Variants in SPATS2 observed in about 807,000 individuals in gnomAD.
SPATS2 encodes the protein spermatogenesis associated serine rich 2, also known as spermatogenesis-associated serine-rich protein 2.
SPATS2 carries 38 observed loss-of-function variants against 63.7 expected under a neutral mutation model. The observed-to-expected ratio is 0.60, with a 90% CI of 0.46 to 0.78. The LOEUF (loss-of-function observed/expected upper bound fraction) is 0.78, where lower values mean the gene tolerates loss of function less well. Among genes scored for constraint, SPATS2 ranks in the 30% least tolerant of loss-of-function variants. The pLI, the probability that SPATS2 is intolerant of heterozygous loss-of-function variation, is 0.00. For missense variants in SPATS2, 588 were observed against 666.2 expected, an observed-to-expected ratio of 0.88 and a Z score of 1.29; for synonymous variants, 207 against 232.9, an observed-to-expected ratio of 0.89 and a Z score of 1.01.
chr12:49,380,956 C>G (rs960309081), intron 2 of SPATS2, among the ~76,000 whole-genome samples: 1 of 151,386 alleles, frequency 6.6e-6, no homozygotes, highest in Non-Finnish European at 1.5e-5. Flanking sequence ...TTTGGACAAA[C>G]CACCATACAG....
intron 3 of SPATS2, among the ~76,000 whole-genome samples, chr12:49,470,759 G>A (rs1002941976): frequency 7.0e-6 from 1 of 143,434 alleles, no homozygotes. Context: ...ATCTTCTTGA[G>A]GAGCAATCAG....
intron 2 of SPATS2, among the ~76,000 whole-genome samples, chr12:49,392,717 AAAAC>A (rs1177362380): frequency 2.1e-3 from 319 of 152,244 alleles, no homozygotes; most frequent in African/African-American, 7.3e-3. Flanking sequence ...TCCATCTCAA[AAAAC>A]AAACAAACAA....
intron 2 of SPATS2, among the ~76,000 whole-genome samples, chr12:49,457,008 A>AT (rs1386086449): frequency 6.6e-6 from 1 of 151,992 alleles, no homozygotes; most frequent in East Asian, 1.9e-4. Context: ...CTGACTTCTT[A>AT]TTGGATCCAT....
chr12:49,372,923 T>C (rs996365960), intron 2 of SPATS2, among the ~76,000 whole-genome samples: 1 of 148,130 alleles, frequency 6.8e-6, no homozygotes, highest in Admixed American at 6.7e-5. Flanking sequence ...GCCTAGCCTC[T>C]CATTTGATTT....
chr12:49,385,863 GT>G (rs141110578), intron 2 of SPATS2, among the ~76,000 whole-genome samples: 3 of 126,034 alleles, frequency 2.4e-5, no homozygotes, highest in African/African-American at 9.3e-5. Context: ...TTGTTTGTTT[GT>G]TTGTTTTTTG....
At chr12:49,517,472 C>A in intron 10 of SPATS2, among the ~76,000 whole-genome samples, 1 of 152,134 alleles carries the variant, frequency 6.6e-6, no homozygotes, top group East Asian at 1.9e-4. Context: ...CTATGTATAT[C>A]AGTTAGGGAT....
intron 2 of SPATS2, among the ~76,000 whole-genome samples, chr12:49,376,832 C>T (rs773754023): frequency 6.6e-6 from 1 of 151,496 alleles, no homozygotes; most frequent in Non-Finnish European, 1.5e-5. Flanking sequence ...AATTCTCCTG[C>T]CTCAGCCTCC....
intron 2 of SPATS2, chr12:49,389,898 A>G (rs1944390401): frequency 1.2e-6 from 1 of 816,414 alleles, no homozygotes; most frequent in South Asian, 1.3e-5. Context: ...GAAGTTAACA[A>G]AAGCAGCACT....
intron 4 of SPATS2, among the ~76,000 whole-genome samples, chr12:49,485,737 A>T (rs947509499): frequency 6.6e-6 from 1 of 150,728 alleles, no homozygotes; most frequent in Non-Finnish European, 1.5e-5. Context: ...TGAGAAAAAC[A>T]TAAAAGCTTT....
intron 3 of SPATS2, among the ~76,000 whole-genome samples, chr12:49,473,420 C>G (rs1263674404): frequency 6.6e-6 from 1 of 152,004 alleles, no homozygotes; most frequent in African/African-American, 2.4e-5. Flanking sequence ...GTCTCACACA[C>G]ACATACACAC....
chr12:49,516,710 T>TAAA (rs113290886), intron 10 of SPATS2, among the ~76,000 whole-genome samples: 1 of 134,464 alleles, frequency 7.4e-6, no homozygotes, highest in South Asian at 2.4e-4. Context: ...ATCTCAAAAC[T>TAAA]AAAAAAAAAA....
intron 2 of SPATS2, among the ~76,000 whole-genome samples, chr12:49,393,769 T>C (rs7980731): frequency 0.34 from 51,752 of 152,044 alleles, 12,458 homozygotes; most frequent in African/African-American, 0.69. Context: ...TGATAGCTTT[T>C]CTGTTTTATA....
chr12:49,426,779 G>A (rs976899641), intron 2 of SPATS2, among the ~76,000 whole-genome samples: 3 of 152,274 alleles, frequency 2.0e-5, no homozygotes, highest in East Asian at 1.9e-4. Context: ...TCCTGACCTC[G>A]TGATCCTCCC....
intron 10 of SPATS2, 84 bp from the exon 11 acceptor site, chr12:49,518,982 GACCAAAT>G: frequency 3.0e-6 from 3 of 1,010,006 alleles, no homozygotes; most frequent in Non-Finnish European, 4.3e-6. Context: ...GCCTTTGGCT[GACCAAAT>G]ACCTACTGCA....
At chr12:49,511,566 T>TCA (rs1946754125) in intron 9 of SPATS2, among the ~76,000 whole-genome samples, 1 of 152,140 alleles carries the variant, frequency 6.6e-6, no homozygotes, top group African/African-American at 2.4e-5. Flanking sequence ...AGCAAGGTAA[T>TCA]AGAGAGTCTG....
chr12:49,449,556 G>T (rs974026999), intron 2 of SPATS2, among the ~76,000 whole-genome samples: 2 of 152,136 alleles, frequency 1.3e-5, no homozygotes, highest in African/African-American at 4.8e-5. Flanking sequence ...TTCCCACGCT[G>T]CAAATAAAGA....
At chr12:49,523,434 C>T (rs540565518) in intron 12 of SPATS2, among the ~76,000 whole-genome samples, 30 of 151,990 alleles carry the variant, frequency 2.0e-4, no homozygotes, top group Middle Eastern at 6.8e-3. Context: ...GTTTGAGGTT[C>T]CAGTGAGCTA....
chr12:49,436,161 ACCT>A (rs1417564893), intron 2 of SPATS2, among the ~76,000 whole-genome samples: 1 of 151,462 alleles, frequency 6.6e-6, no homozygotes, highest in African/African-American at 2.4e-5. Flanking sequence ...TGTTGAGTAC[ACCT>A]CCCAGACGGG....
intron 2 of SPATS2, among the ~76,000 whole-genome samples, chr12:49,436,492 A>C (rs1592393591): frequency 1.7e-5 from 2 of 120,194 alleles, no homozygotes; most frequent in Non-Finnish European, 3.4e-5. Context: ...GGCGCCCCTT[A>C]CCTCCCGGAC....
Sources: allele counts gnomAD v4.1 joint callset (sites outside exome capture counted in the v4.1 genomes callset), GRCh38; gene constraint gnomAD v4.1.1; transcripts MANE v1.5; gene names NCBI Gene and HGNC (gene_info 2026-07-23, HGNC 2026-07-21).